KIF26B: variants seen among roughly 807,000 people sequenced by gnomAD.
KIF26B encodes kinesin family member 26B.
A neutral mutation model predicts 151.2 loss-of-function variants in KIF26B; 63 were observed. The ratio of observed to expected loss-of-function variants is 0.42; its 90% CI spans 0.34 to 0.51. The LOEUF (loss-of-function observed/expected upper bound fraction) is 0.51. Ranked by LOEUF, KIF26B falls within the 20% of genes least tolerant of loss-of-function variation. The pLI, the probability that KIF26B is intolerant of heterozygous loss-of-function variation, is 0.07. For missense variants in KIF26B, 2,813 were observed against 2,913.6 expected (o/e 0.97, Z 0.79); for synonymous variants, 1,357 against 1,262.1 (o/e 1.08, Z -1.59).
intron 2 of KIF26B, among the ~76,000 whole-genome samples, chr1:245,233,908 G>A (rs971449977): frequency 4.6e-5 from 7 of 152,134 alleles, no homozygotes; most frequent in South Asian, 2.1e-4. Context: ...CGGGCTGGGC[G>A]CGGTGGCTCA....
At chr1:245,164,126 C>T (rs1439157130) in intron 2 of KIF26B, among the ~76,000 whole-genome samples, 1 of 152,056 alleles carries the variant, frequency 6.6e-6, no homozygotes, top group East Asian at 1.9e-4. Context: ...AGTAAATATC[C>T]ATCAATTCCT....
intron 4 of KIF26B, among the ~76,000 whole-genome samples, chr1:245,430,324 C>T (rs1293539419): frequency 4.6e-5 from 7 of 151,862 alleles, no homozygotes; most frequent in South Asian, 2.1e-4. Flanking sequence ...AATACAGTAC[C>T]GCTATAATAT....
Position 245,702,664 on chromosome 1 carries a change from A to G in KIF26B, c.*58A>G. ...CTCCCCAGGACTTCAGAGATGTTGC[A>G]CGCCCCTAGGCCCTCTGTGCTGGGG... On this transcript the variant is annotated 3_prime_UTR_variant, in exon 15 of 15. Coordinates refer to ENST00000407071, the MANE Select transcript of KIF26B (RefSeq NM_018012.4). This position sits in a 1 kb window ranked among gnomAD's most constrained non-coding sequence, Gnocchi z 4.1. 6.4e-7 allele frequency: 1 copy of G among 1,572,190 alleles called. No homozygotes were observed. Among genetic ancestry groups the G allele is most frequent in the Non-Finnish European group, 8.7e-7 (1 of 1,154,384 alleles).
intron 4 of KIF26B, among the ~76,000 whole-genome samples, chr1:245,522,142 T>A (rs1027046142): frequency 6.6e-6 from 1 of 152,172 alleles, no homozygotes; most frequent in Non-Finnish European, 1.5e-5. Flanking sequence ...GTGCTGGGAT[T>A]ACAGGTGTGA....
chr1:245,515,420 C>G (rs1660939285), intron 4 of KIF26B, among the ~76,000 whole-genome samples: 1 of 152,176 alleles, frequency 6.6e-6, no homozygotes, highest in South Asian at 2.1e-4. Context: ...CCGGGCAGCA[C>G]TCAATGAATG....
intron 4 of KIF26B, among the ~76,000 whole-genome samples, chr1:245,445,551 T>C (rs1487860573): frequency 6.6e-6 from 1 of 152,210 alleles, no homozygotes; most frequent in Non-Finnish European, 1.5e-5. Flanking sequence ...TGGTTATGGA[T>C]TGGCAATTGT....
At chr1:245,423,361 C>G (rs537808555) in intron 4 of KIF26B, among the ~76,000 whole-genome samples, 21 of 152,308 alleles carry the variant, frequency 1.4e-4, no homozygotes, top group African/African-American at 4.8e-4. Flanking sequence ...GTTACTGACC[C>G]AGAGCCACAT....
intron 9 of KIF26B, among the ~76,000 whole-genome samples, chr1:245,628,892 C>A (rs556805601): frequency 9.2e-5 from 14 of 152,316 alleles, no homozygotes; most frequent in Middle Eastern, 6.8e-3. Flanking sequence ...TGATAAGCAA[C>A]TTCAGCAAAT....
At position 245,487,304 on chromosome 1, in the gene KIF26B, A is replaced by G. The variant is rs542819002; in HGVS notation, c.1167-53463A>G. Among the ~76,000 whole-genome samples, 102 of 152,298 alleles carry G rather than the reference A, an allele frequency of 6.7e-4. 1 individual carries two copies. The highest frequency in any genetic ancestry group is 3.4e-3 in the Middle Eastern group (1 of 294). ...GAGAAACATGTCATCTCCAGGACCA[A>G]CTATATCATTTGCAGGGCTCAGTGC... On this transcript the variant is annotated intron_variant, in intron 4 of 14. Transcript: ENST00000407071.
At chr1:245,692,464 A>G (rs1200507662) in intron 12 of KIF26B, among the ~76,000 whole-genome samples, 2 of 152,144 alleles carry the variant, frequency 1.3e-5, no homozygotes, top group African/African-American at 4.8e-5. Flanking sequence ...ACATCGGGAC[A>G]GGCAGAGAGG....
rs5782330 is a variant in KIF26B at position 245,253,800 on chromosome 1, CTTTTTTTTTTTTT to C, written c.465+97132_465+97144del. 5.0e-4 allele frequency among the ~76,000 whole-genome samples: 36 copies of C among 72,176 alleles called. 1 individual carries two copies. In the East Asian group the frequency reaches 0.013, roughly 25 times the overall value. The allele number at this position is 72,176 out of a possible 152,430, so 47.4% of individuals were successfully genotyped here. ...CCTGTCTATAGACTTTGAAGTCCTG[CTTTTTTTTTTTTT>C]TTTTTTTTTTTTTTGAAACAGAGTC... On this transcript the variant is annotated intron_variant, in intron 2 of 14. Transcript: ENST00000407071.
intron 12 of KIF26B, among the ~76,000 whole-genome samples, chr1:245,694,609 C>A (rs997614829): frequency 6.6e-6 from 1 of 152,164 alleles, no homozygotes; most frequent in African/African-American, 2.4e-5. Context: ...CAGCTTCTCA[C>A]GTGGGCTGTC....
At chr1:245,344,461 C>G (rs145039967) in intron 2 of KIF26B, among the ~76,000 whole-genome samples, 3,401 of 142,364 alleles carry the variant, frequency 0.024, 88 homozygotes, top group African/African-American at 0.062. Flanking sequence ...CGCCACTGCA[C>G]TCCAGCCTGG....
In KIF26B at chr1:245,608,546, A is replaced by G. The variant is rs2043481617; in HGVS notation, c.1652-720A>G. Reference sequence around the variant, plus strand: ...TAGAATTTGCTCATGCCATAAAAATATACACAGCATTTAACTTGAGACAGG... The same window carrying G: ...TAGAATTTGCTCATGCCATAAAAATGTACACAGCATTTAACTTGAGACAGG... On this transcript the variant is annotated intron_variant, in intron 7 of 14. Transcript: ENST00000407071. Among the ~76,000 whole-genome samples, 3 of 152,200 alleles carry G rather than the reference A, an allele frequency of 2.0e-5. No individual in the cohort carries two copies. The South Asian group carries it at 6.2e-4, about 32-fold the overall frequency.
chr1:245,321,612 C>T (rs1671888160), intron 2 of KIF26B, among the ~76,000 whole-genome samples: 1 of 152,202 alleles, frequency 6.6e-6, no homozygotes, highest in Admixed American at 6.5e-5. Context: ...TATTTGTATC[C>T]ATTGAGATGG....
At chr1:245,441,241 TGA>T (rs1459999164) in intron 4 of KIF26B, among the ~76,000 whole-genome samples, 1 of 152,182 alleles carries the variant, frequency 6.6e-6, no homozygotes, top group East Asian at 1.9e-4. Context: ...AGGAAGGAGC[TGA>T]GTGTGGAATT....
intron 4 of KIF26B, among the ~76,000 whole-genome samples, chr1:245,514,443 C>T (rs996159853): frequency 2.0e-5 from 3 of 152,058 alleles, no homozygotes; most frequent in Admixed American, 6.5e-5. Context: ...GCAGGAGAAT[C>T]GCTTGAACCC....
chr1:245,203,335 G>T (rs1669340480), intron 2 of KIF26B, among the ~76,000 whole-genome samples: 1 of 151,766 alleles, frequency 6.6e-6, no homozygotes, highest in Non-Finnish European at 1.5e-5. Flanking sequence ...GTTGCTTTTT[G>T]CGTGGATTGC....
chr1:245,475,280 C>T (rs1183515010), intron 4 of KIF26B, among the ~76,000 whole-genome samples: 1 of 151,772 alleles, frequency 6.6e-6, no homozygotes, highest in East Asian at 1.9e-4. Flanking sequence ...GCCACTGAAT[C>T]GGAATGAGGT....
Sources: allele counts gnomAD v4.1 joint callset (sites outside exome capture counted in the v4.1 genomes callset), GRCh38; gene constraint gnomAD v4.1.1; non-coding constraint Gnocchi (gnomAD v3.1); transcripts MANE v1.5; gene names NCBI Gene and HGNC (gene_info 2026-07-23, HGNC 2026-07-21).